FOXN3: variants seen among roughly 807,000 people sequenced by gnomAD.
The protein encoded by FOXN3 is forkhead box N3, also known as forkhead box protein N3.
In FOXN3, 7 loss-of-function variants were observed where a neutral mutation model predicts 38.4. That is an observed-to-expected ratio of 0.18 (90% CI 0.10 to 0.34). The LOEUF is 0.34. Ranked by LOEUF, FOXN3 falls within the 10% of genes least tolerant of loss-of-function variation. FOXN3 has a pLI of 1.00. For missense variants in FOXN3, 456 were observed against 613.4 expected, an observed-to-expected ratio of 0.74 and a Z score of 2.71; for synonymous variants, 230 against 242.2, an observed-to-expected ratio of 0.95 and a Z score of 0.47.
At chr14:89,517,799 G>A (rs563650096) in intron 1 of FOXN3, among the ~76,000 whole-genome samples, 1 of 152,166 alleles carries the variant, frequency 6.6e-6, no homozygotes, top group African/African-American at 2.4e-5. Context: ...CTTTCAACTC[G>A]CCTCCCTGCT....
chr14:89,547,246 TA>T (rs1894906178), intron 1 of FOXN3, among the ~76,000 whole-genome samples: 1 of 151,054 alleles, frequency 6.6e-6, no homozygotes, highest in African/African-American at 2.4e-5. Context: ...TTTATTTATT[TA>T]TTTATTTATT....
chr14:89,390,208 AGAGTGAGACT>A (rs1890902053), intron 2 of FOXN3, among the ~76,000 whole-genome samples: 1 of 148,758 alleles, frequency 6.7e-6, no homozygotes, highest in African/African-American at 2.5e-5. Flanking sequence ...CTAAAATGAC[AGAGTGAGACT>A]CCCTTTAAAA....
chr14:89,476,505 G>C (rs1276697404), intron 1 of FOXN3, among the ~76,000 whole-genome samples: 1 of 152,148 alleles, frequency 6.6e-6, no homozygotes, highest in Non-Finnish European at 1.5e-5. Flanking sequence ...GTTGAGTTTG[G>C]GCTCAAATGA....
At chr14:89,292,105 C>T (rs749858023) in intron 3 of FOXN3, among the ~76,000 whole-genome samples, 1 of 152,148 alleles carries the variant, frequency 6.6e-6, no homozygotes, top group Non-Finnish European at 1.5e-5. Context: ...CTTCCTTCCA[C>T]CTCCGTTCGC....
At chr14:89,583,428 T>C (rs928888292) in intron 1 of FOXN3, among the ~76,000 whole-genome samples, 13 of 152,180 alleles carry the variant, frequency 8.5e-5, no homozygotes, top group African/African-American at 2.9e-4. Flanking sequence ...TCATCCCATT[T>C]TGCGCTTCCG....
chr14:89,602,945 G>T (rs1896183002), intron 1 of FOXN3, among the ~76,000 whole-genome samples: 2 of 152,172 alleles, frequency 1.3e-5, no homozygotes, highest in South Asian at 4.1e-4. Flanking sequence ...AGAGCTCAGA[G>T]AAGTGAAAAG....
chr14:89,532,143 A>G (rs904619560), intron 1 of FOXN3, among the ~76,000 whole-genome samples: 5 of 152,214 alleles, frequency 3.3e-5, no homozygotes, highest in African/African-American at 1.2e-4. Context: ...ATTCTGATGC[A>G]CACTGATAGC....
intron 1 of FOXN3, among the ~76,000 whole-genome samples, chr14:89,434,220 C>G (rs61999670): frequency 6.3e-5 from 9 of 142,250 alleles, no homozygotes; most frequent in African/African-American, 2.4e-4. Flanking sequence ...ACTGCGCAAG[C>G]CTTTTTTTTT....
At chr14:89,168,154 A>T (rs1887290181) in intron 5 of FOXN3, among the ~76,000 whole-genome samples, 1 of 152,260 alleles carries the variant, frequency 6.6e-6, no homozygotes, top group African/African-American at 2.4e-5. Flanking sequence ...GCAAAGAGAC[A>T]AGAGAACAGA....
chr14:89,466,355 G>A (rs76777046), intron 1 of FOXN3, among the ~76,000 whole-genome samples: 1 of 152,282 alleles, frequency 6.6e-6, no homozygotes, highest in East Asian at 1.9e-4. Flanking sequence ...AAACTAAAAT[G>A]AAGCTCCACT....
intron 1 of FOXN3, among the ~76,000 whole-genome samples, chr14:89,516,991 C>T (rs557329332): frequency 1.3e-5 from 2 of 152,306 alleles, no homozygotes; most frequent in South Asian, 4.1e-4. Context: ...CTCCTCCACA[C>T]TCTCCCCAGA....
chr14:89,289,045 G>A (rs917229793), intron 3 of FOXN3, among the ~76,000 whole-genome samples: 3 of 151,624 alleles, frequency 2.0e-5, no homozygotes, highest in African/African-American at 7.3e-5. Flanking sequence ...TGTTGGGCAT[G>A]GTGGTGGGCG....
chr14:89,429,724 G>C (rs773774112), intron 1 of FOXN3, among the ~76,000 whole-genome samples: 11 of 152,148 alleles, frequency 7.2e-5, no homozygotes, highest in African/African-American at 2.4e-4. Flanking sequence ...ATTTTGCTCC[G>C]CGGCTGAACA....
chr14:89,347,044 C>A (rs868278437), intron 3 of FOXN3, among the ~76,000 whole-genome samples: 7 of 141,216 alleles, frequency 5.0e-5, no homozygotes, highest in African/African-American at 1.5e-4. Context: ...TATTTCCTTA[C>A]TTTCTGCTTC....
At chr14:89,294,717 A>C (rs1886983450) in intron 3 of FOXN3, among the ~76,000 whole-genome samples, 1 of 152,214 alleles carries the variant, frequency 6.6e-6, no homozygotes, top group African/African-American at 2.4e-5. Context: ...CAGTTTACAA[A>C]TGCCATGCCA....
chr14:89,592,228 C>A (rs1292840958), intron 1 of FOXN3, among the ~76,000 whole-genome samples: 1 of 152,120 alleles, frequency 6.6e-6, no homozygotes, highest in Non-Finnish European at 1.5e-5. Flanking sequence ...AGAAGGATCA[C>A]CCCAATGTTC....
intron 4 of FOXN3, among the ~76,000 whole-genome samples, chr14:89,276,512 G>A (rs1434410727): frequency 6.8e-6 from 1 of 147,878 alleles, no homozygotes; most frequent in Non-Finnish European, 1.5e-5. Flanking sequence ...TGTGCTGAGA[G>A]TGGCTGGGCT....
chr14:89,282,239 G>C (rs1227855459), intron 3 of FOXN3, among the ~76,000 whole-genome samples: 1 of 151,714 alleles, frequency 6.6e-6, no homozygotes, highest in Non-Finnish European at 1.5e-5. Context: ...AAATGTGCTA[G>C]AAAATACATA....
rs749575605 is a variant in FOXN3 at position 89,510,556 on chromosome 14, G to A, written c.-14-98066C>T. On this transcript the variant is annotated intron_variant, in intron 1 of 6. Coordinates refer to the FOXN3 transcript ENST00000345097. The stretch of plus-strand genomic sequence containing the variant: ...CACATGAGACCAGTGTGGAGAGGGG[G>A]TGGGTAGCTCCACCTCGACTCTCAG... 6.6e-5 allele frequency among the ~76,000 whole-genome samples: 10 copies of A among 152,102 alleles called. 1 individual carries two copies. The highest frequency in any genetic ancestry group is 6.2e-4 in the South Asian group (3 of 4,822).
Sources: gnomAD v4.1 joint callset for allele counts (sites outside exome capture counted in the v4.1 genomes callset) on GRCh38, gnomAD v4.1.1 for gene constraint, MANE v1.5 for transcripts, NCBI Gene and HGNC (gene_info 2026-07-23, HGNC 2026-07-21) for gene names.